The following CSMD1 variants were observed in gnomAD, a reference collection of about 807,000 sequenced individuals.
The protein encoded by CSMD1 is CUB and sushi domain-containing protein 1.
In CSMD1, 213 loss-of-function variants were observed where a neutral mutation model predicts 417.5. The ratio of observed to expected loss-of-function variants is 0.51; its 90% confidence interval spans 0.46 to 0.57. The LOEUF (loss-of-function observed/expected upper bound fraction) is 0.57, where lower values mean the gene tolerates loss of function less well. CSMD1 is among the 20% of genes least tolerant of loss of function. The probability of loss-of-function intolerance (pLI) is 0.00; values close to 1 mark genes in which losing one functional copy is unlikely to be tolerated. For missense variants in CSMD1, 6,923 were observed against 4,529.7 expected, an observed-to-expected ratio of 1.53 and a Z score of -15.17; for synonymous variants, 2,862 against 1,736.8, an observed-to-expected ratio of 1.65 and a Z score of -16.11.
At chr8:4,505,655 T>C (rs182466730) in intron 2 of CSMD1, among the ~76,000 whole-genome samples, 3 of 152,192 alleles carry the variant, frequency 2.0e-5, no homozygotes, top group Non-Finnish European at 2.9e-5. Context: ...TGCAGTCCAG[T>C]GTCCATGTTG....
Position 3,142,469 on chromosome 8 carries a change from G to A in CSMD1, c.6237C>T (p.Tyr2079=). 1.2e-6 allele frequency: 2 copies of A among 1,612,698 alleles called. No homozygotes were observed. The highest frequency in any genetic ancestry group is 1.1e-5 in the South Asian group (1 of 90,956). Reference sequence around the variant, plus strand: ...GTTCTCGTTGTTGTTCCATACCTTGGTAAGCAAGTTTAAATCCTTGCCGGT... The same window carrying A: ...GTTCTCGTTGTTGTTCCATACCTTGATAAGCAAGTTTAAATCCTTGCCGGT... ...SQNRQGFKLA[Y]QAYELQNCPD... Residue 2079 remains tyrosine (Y), a synonymous_variant, in exon 41 of 70, where the codon TAC becomes TAT. Coordinates refer to ENST00000635120, the MANE Select transcript of CSMD1 (RefSeq NM_033225.6).
At chr8:3,669,444 G>A (rs950530643) in intron 7 of CSMD1, among the ~76,000 whole-genome samples, 1 of 152,046 alleles carries the variant, frequency 6.6e-6, no homozygotes, top group African/African-American at 2.4e-5. Context: ...CTCCACTGAT[G>A]GTCCTGTTCA....
At chr8:3,166,661 G>A (rs1189761628) in intron 37 of CSMD1, among the ~76,000 whole-genome samples, 1 of 152,110 alleles carries the variant, frequency 6.6e-6, no homozygotes, top group Non-Finnish European at 1.5e-5. Flanking sequence ...AGGGGTAGCA[G>A]TATCATATAA....
At chr8:4,925,817 G>C (rs1285068063) in intron 1 of CSMD1, among the ~76,000 whole-genome samples, 1 of 152,112 alleles carries the variant, frequency 6.6e-6, no homozygotes, top group Non-Finnish European at 1.5e-5. Flanking sequence ...AAAGTGTTGG[G>C]ATTACAGGCG....
In CSMD1 at chr8:4,214,077, AT is replaced by A. The variant is rs147868997; in HGVS notation, c.416-181979del. On this transcript the variant is annotated intron_variant, in intron 3 of 69. Transcript: ENST00000635120. ...GATCAATAAATATCTGACCTACTGA[AT>A]TATCCAGCATCTTACTCCCTCAATT... Among the ~76,000 whole-genome samples the A allele has an allele frequency of 2.8e-3, 423 of 152,306 alleles. 7 individuals are homozygous for A. The South Asian group carries it at 0.028, about 10-fold the overall frequency.
At chr8:4,427,593 A>G (rs529557256) in intron 2 of CSMD1, among the ~76,000 whole-genome samples, 1 of 152,250 alleles carries the variant, frequency 6.6e-6, no homozygotes, top group Admixed American at 6.5e-5. Flanking sequence ...TCATTTGGAG[A>G]GAGACTCGAA....
chr8:3,191,120 C>T (rs1038089086), intron 33 of CSMD1, among the ~76,000 whole-genome samples: 13 of 152,180 alleles, frequency 8.5e-5, no homozygotes, highest in African/African-American at 2.7e-4. Context: ...CATCATGTTG[C>T]ATTTAGTCCT....
At position 3,961,135 on chromosome 8, in the gene CSMD1, T is replaced by C. The variant is rs550913195; in HGVS notation, c.818+36768A>G. On this transcript the variant is annotated intron_variant, in intron 5 of 69. Transcript: ENST00000635120. ...TAATAATTAAAAATTGCATCTCTTCTTGCCCATAATAGTCTCTGTATTTCA... is the reference window on the plus strand; with the variant it reads ...TAATAATTAAAAATTGCATCTCTTCCTGCCCATAATAGTCTCTGTATTTCA... Among the ~76,000 whole-genome samples, 5 of 152,326 alleles carry C rather than the reference T, an allele frequency of 3.3e-5. No homozygotes were observed. The South Asian group carries it at 1.0e-3, about 32-fold the overall frequency.
At chr8:4,966,374 C>T (rs1263803828) in intron 1 of CSMD1, among the ~76,000 whole-genome samples, 1 of 152,000 alleles carries the variant, frequency 6.6e-6, no homozygotes, top group Non-Finnish European at 1.5e-5. Flanking sequence ...AGTGAAACTC[C>T]ATCTCAAACA....
At chr8:4,274,228 C>G (rs959987970) in intron 3 of CSMD1, among the ~76,000 whole-genome samples, 3 of 152,130 alleles carry the variant, frequency 2.0e-5, no homozygotes, top group African/African-American at 4.8e-5. Context: ...GTCCAGGCCT[C>G]TGAAATAATC....
chr8:3,908,427 C>T (rs987818835), intron 5 of CSMD1, among the ~76,000 whole-genome samples: 4 of 152,114 alleles, frequency 2.6e-5, no homozygotes, highest in East Asian at 1.9e-4. Flanking sequence ...AATGTAAGCA[C>T]AAAACTTTGC....
intron 2 of CSMD1, among the ~76,000 whole-genome samples, chr8:4,613,333 T>C (rs888221583): frequency 1.3e-5 from 2 of 152,164 alleles, no homozygotes; most frequent in Non-Finnish European, 2.9e-5. Context: ...CAGGTGGCCA[T>C]GTCTACAGGG....
Position 3,556,516 on chromosome 8 carries a change from GCACACA to G in CSMD1, c.1344+18423_1344+18428del, listed in dbSNP as rs71708244. ...CAAAATACAAACTTCTTTTTCACACGCACACACACACACACACACACACACACACAC... is the reference window on the plus strand; with the variant it reads ...CAAAATACAAACTTCTTTTTCACACGCACACACACACACACACACACACAC... On this transcript the variant is annotated intron_variant, in intron 10 of 69. Transcript: ENST00000635120. Among the ~76,000 whole-genome samples the G allele has an allele frequency of 2.6e-3, 352 of 137,648 alleles. 1 individual carries two copies. Among genetic ancestry groups the G allele is most frequent in the East Asian group, 4.5e-3 (21 of 4,676 alleles). 90.3% of individuals were successfully genotyped at this position (137,648 alleles called of 152,430 possible).
At chr8:3,959,751 C>G (rs78570328) in intron 5 of CSMD1, among the ~76,000 whole-genome samples, 2,752 of 152,238 alleles carry the variant, frequency 0.018, 88 homozygotes, top group African/African-American at 0.062. Flanking sequence ...CACACTCAAA[C>G]TTAGGTATGT....
chr8:3,629,332 T>C (rs966057572), intron 7 of CSMD1, among the ~76,000 whole-genome samples: 4 of 152,124 alleles, frequency 2.6e-5, no homozygotes, highest in African/African-American at 9.7e-5. Flanking sequence ...ACTGATGCAT[T>C]CAGCTGACAT....
rs116804963 is a variant in CSMD1, at chr8:3,766,227, C to T, written c.819-12185G>A. Among the ~76,000 whole-genome samples the T allele has an allele frequency of 5.7e-3, 865 of 152,256 alleles. 13 individuals carry two copies. Among genetic ancestry groups the T allele is most frequent in the East Asian group, 0.041 (212 of 5,168 alleles). On this transcript the variant is annotated intron_variant, in intron 5 of 69. Transcript: ENST00000635120. ...AGCACAGTGGTGCGCTTTCTTCTGC[C>T]GGATGAGAGAGCTGTCATGCCCCAC...
At position 4,537,411 on chromosome 8, in the gene CSMD1, T is replaced by C. The variant is rs1349555275; in HGVS notation, c.302+99931A>G. On this transcript the variant is annotated intron_variant, in intron 2 of 69. Coordinates refer to ENST00000635120, the MANE Select transcript of CSMD1 (RefSeq NM_033225.6). ...TGTAATATTGCATATAGCTTTTCTG[T>C]TTTGTGATTATTCCTATTATTGTTA... is the stretch of plus-strand genomic sequence containing the variant. Among the ~76,000 whole-genome samples, 9 of 152,294 alleles carry C rather than the reference T, an allele frequency of 5.9e-5. No individual in the cohort carries two copies. The South Asian group carries it at 1.7e-3, about 28-fold the overall frequency.
At chr8:3,329,415 T>C (rs1420228040) in intron 23 of CSMD1, among the ~76,000 whole-genome samples, 2 of 151,862 alleles carry the variant, frequency 1.3e-5, no homozygotes, top group African/African-American at 4.8e-5. Flanking sequence ...TTCAAGCAGA[T>C]GGAGAGTTCG....
At chr8:4,000,051 T>A (rs1256235304) in intron 4 of CSMD1, among the ~76,000 whole-genome samples, 1 of 152,266 alleles carries the variant, frequency 6.6e-6, no homozygotes, top group East Asian at 1.9e-4. Context: ...ATACTACAAT[T>A]TGAAAACTGC....
Sources: gnomAD v4.1 joint callset for allele counts (sites outside exome capture counted in the v4.1 genomes callset) on GRCh38, gnomAD v4.1.1 for gene constraint, MANE v1.5 for transcripts, NCBI Gene and HGNC (gene_info 2026-07-23, HGNC 2026-07-21) for gene names.